B4GALNT3: variants seen among roughly 807,000 people sequenced by gnomAD.
B4GALNT3 encodes the protein beta-1,4-N-acetylgalactosaminyltransferase 3.
In B4GALNT3, 86 loss-of-function variants were observed where a neutral mutation model predicts 120.2. The ratio of observed to expected loss-of-function variants is 0.72; its 90% confidence interval spans 0.60 to 0.86. The LOEUF is 0.86. Among genes scored for constraint, B4GALNT3 ranks in the 40% least tolerant of loss-of-function variants. The pLI is 0.00. For missense variants in B4GALNT3, 1,167 were observed against 1,298.9 expected (o/e 0.90, Z 1.56); for synonymous variants, 518 against 510.4 (o/e 1.01, Z -0.20).
intron 1 of B4GALNT3, among the ~76,000 whole-genome samples, chr12:519,502 C>G (rs916016800): frequency 6.6e-6 from 1 of 151,998 alleles, no homozygotes; most frequent in Non-Finnish European, 1.5e-5. Flanking sequence ...GCTGGCAGAA[C>G]GCGGCTCAGT....
In B4GALNT3 at chr12:507,448, A is replaced by C. The variant is rs144676466; in HGVS notation, c.170-27718A>C. ...CTGGGTGCTGTCTGGTGGATTAGAC[A>C]GACGCTTCCACTGTCTTGGAATTTG... On this transcript the variant is annotated intron_variant, in intron 1 of 19. Transcript: ENST00000266383. Among the ~76,000 whole-genome samples the C allele has an allele frequency of 1.8e-4, 28 of 152,300 alleles. 1 individual carries two copies. In the East Asian group the frequency reaches 2.3e-3, roughly 13 times the overall value.
At chr12:496,608 A>T (rs1182755240) in intron 1 of B4GALNT3, among the ~76,000 whole-genome samples, 3 of 152,224 alleles carry the variant, frequency 2.0e-5, no homozygotes, top group East Asian at 1.9e-4. Flanking sequence ...CAAAAAAAAT[A>T]AAAAAATAAA....
chr12:507,758 G>A (rs1402258027), intron 1 of B4GALNT3, among the ~76,000 whole-genome samples: 1 of 152,236 alleles, frequency 6.6e-6, no homozygotes, highest in Non-Finnish European at 1.5e-5. Flanking sequence ...GCCCGTGACT[G>A]TGGCATGCGG....
chr12:463,163 C>G (rs1946039349), intron 1 of B4GALNT3, among the ~76,000 whole-genome samples: 1 of 152,224 alleles, frequency 6.6e-6, no homozygotes, highest in Non-Finnish European at 1.5e-5. Flanking sequence ...AAGGCCAGCC[C>G]CCATTACCAG....
chr12:463,118 C>T (rs1946038584), intron 1 of B4GALNT3, among the ~76,000 whole-genome samples: 1 of 152,218 alleles, frequency 6.6e-6, no homozygotes, highest in African/African-American at 2.4e-5. Flanking sequence ...TCCCTGCCAA[C>T]TCACTCCACC....
intron 6 of B4GALNT3, 61 bp from the exon 7 acceptor site, chr12:546,585 C>A: frequency 6.9e-7 from 1 of 1,458,062 alleles, no homozygotes; most frequent in Non-Finnish European, 9.4e-7. Flanking sequence ...TCGCACTCAC[C>A]GCCTCGCGTG....
chr12:492,054 T>TAAAAA, intron 1 of B4GALNT3, among the ~76,000 whole-genome samples: 1 of 56,776 alleles, frequency 1.8e-5, no homozygotes, highest in African/African-American at 7.0e-5. Context: ...CGAGACCGTC[T>TAAAAA]CAAAAAAAAA....
intron 1 of B4GALNT3, among the ~76,000 whole-genome samples, chr12:491,334 C>CTT (rs34540336): frequency 4.3e-4 from 62 of 142,630 alleles, no homozygotes; most frequent in East Asian, 3.2e-3. Context: ...GATACAAATT[C>CTT]TTTTTTTTTT....
At chr12:516,825 G>A (rs1318414090) in intron 1 of B4GALNT3, among the ~76,000 whole-genome samples, 8 of 152,176 alleles carry the variant, frequency 5.3e-5, no homozygotes, top group African/African-American at 1.7e-4. Context: ...CTGGAAGAGC[G>A]ATGATGTCTA....
At chr12:549,411 T>A (rs1947048499) in intron 9 of B4GALNT3, among the ~76,000 whole-genome samples, 1 of 152,238 alleles carries the variant, frequency 6.6e-6, no homozygotes, top group South Asian at 2.1e-4. Flanking sequence ...TTTGGGATAT[T>A]CTTAGAGCAG....
In B4GALNT3 at chr12:560,890, A is replaced by G. The variant is rs180834101; in HGVS notation, c.2889-453A>G. On this transcript the variant is annotated intron_variant, in intron 19 of 19. Transcript: ENST00000266383. Reference sequence around the variant, plus strand: ...AAGGCCTGGGGAGGGCCTAGGCGCCAGGTGTCTCAGTGCAGCAGCCCTGCC... The same window carrying G: ...AAGGCCTGGGGAGGGCCTAGGCGCCGGGTGTCTCAGTGCAGCAGCCCTGCC... Among the ~76,000 whole-genome samples, 40 of 152,314 alleles carry G rather than the reference A, an allele frequency of 2.6e-4. 1 individual carries two copies. The East Asian group carries it at 7.5e-3, about 29-fold the overall frequency.
intron 1 of B4GALNT3, among the ~76,000 whole-genome samples, chr12:477,866 C>T (rs756394907): frequency 1.8e-4 from 27 of 152,112 alleles, no homozygotes; most frequent in Admixed American, 3.9e-4. Flanking sequence ...AAGTCCATTA[C>T]TGGCAGTGTG....
intron 1 of B4GALNT3, among the ~76,000 whole-genome samples, chr12:468,202 C>T (rs1431103302): frequency 6.6e-6 from 1 of 151,966 alleles, no homozygotes; most frequent in Non-Finnish European, 1.5e-5. Context: ...AAGAAATGAA[C>T]AATCACCTAA....
intron 1 of B4GALNT3, among the ~76,000 whole-genome samples, chr12:508,281 GT>G (rs56769522): frequency 6.6e-6 from 1 of 151,840 alleles, no homozygotes; most frequent in African/African-American, 2.4e-5. Context: ...ACTTACTTTT[GT>G]TTTTTTTAGA....
chr12:466,284 C>T (rs896382266), intron 1 of B4GALNT3, among the ~76,000 whole-genome samples: 2 of 152,160 alleles, frequency 1.3e-5, no homozygotes, highest in African/African-American at 4.8e-5. Context: ...CCCTCTAGTG[C>T]TGAGCTTTGT....
chr12:512,058 TCTTCCACCTTCAAC>T (rs1221142460), intron 1 of B4GALNT3, among the ~76,000 whole-genome samples: 12 of 105,928 alleles, frequency 1.1e-4, no homozygotes, highest in African/African-American at 4.8e-4. Flanking sequence ...CCTTCGACCT[TCTTCCACCTTCAAC>T]CTTCCACCTT....
At chr12:545,008 C>A in intron 5 of B4GALNT3, 36 bp downstream of exon 5, 1 of 1,604,528 alleles carries the variant, frequency 6.2e-7, no homozygotes, top group Non-Finnish European at 8.5e-7. Context: ...CTTCTTCCTG[C>A]TCTAGAGTTC....
intron 1 of B4GALNT3, among the ~76,000 whole-genome samples, chr12:470,879 C>T (rs1037050812): frequency 2.0e-5 from 3 of 152,064 alleles, no homozygotes; most frequent in African/African-American, 4.8e-5. Context: ...GCTGGGATTA[C>T]AGGCATGTGT....
intron 1 of B4GALNT3, among the ~76,000 whole-genome samples, chr12:523,581 A>G (rs957384667): frequency 6.6e-6 from 1 of 152,206 alleles, no homozygotes; most frequent in African/African-American, 2.4e-5. Flanking sequence ...GTGGTGCACG[A>G]AGTCTTGGGC....
Sources: gnomAD v4.1 joint callset for allele counts (sites outside exome capture counted in the v4.1 genomes callset) on GRCh38, gnomAD v4.1.1 for gene constraint, MANE v1.5 for transcripts, NCBI Gene and HGNC (gene_info 2026-07-23, HGNC 2026-07-21) for gene names.